SRBD1: variants seen among roughly 807,000 people sequenced by gnomAD.
The protein encoded by SRBD1 is S1 RNA-binding domain-containing protein 1.
A neutral mutation model predicts 115.3 loss-of-function variants in SRBD1; 88 were observed. The observed-to-expected ratio is 0.76, with a 90% CI of 0.64 to 0.91. SRBD1 has a LOEUF of 0.91. Ranked by LOEUF, SRBD1 falls within the 40% of genes least tolerant of loss-of-function variation. The pLI is 0.00. For synonymous variants in SRBD1, 509 were observed against 407.7 expected, an observed-to-expected ratio of 1.25 and a Z score of -2.99; for missense variants, 1,385 against 1,177.4, an observed-to-expected ratio of 1.18 and a Z score of -2.58.
intron 16 of SRBD1, among the ~76,000 whole-genome samples, chr2:45,475,595 A>T (rs568941658): frequency 6.6e-6 from 1 of 152,274 alleles, no homozygotes; most frequent in East Asian, 1.9e-4. Context: ...ATAAATTTGG[A>T]ATCTTCTCTT....
At chr2:45,560,988 T>G (rs1432081058) in intron 10 of SRBD1, among the ~76,000 whole-genome samples, 1 of 150,650 alleles carries the variant, frequency 6.6e-6, no homozygotes, top group South Asian at 2.1e-4. Context: ...GCACCTATGG[T>G]CCCAGCTACA....
chr2:45,476,630 A>T (rs1669811284), intron 16 of SRBD1, among the ~76,000 whole-genome samples: 1 of 152,212 alleles, frequency 6.6e-6, no homozygotes, highest in African/African-American at 2.4e-5. Flanking sequence ...ATCTACTGTG[A>T]AGATCAAGTT....
chr2:45,609,851 G>T (rs983830447), intron 1 of SRBD1, among the ~76,000 whole-genome samples: 1 of 152,274 alleles, frequency 6.6e-6, no homozygotes, highest in Admixed American at 6.5e-5. Context: ...TTTATTGCTT[G>T]CACTGCTGTC....
At chr2:45,496,687 C>T (rs906055241) in intron 14 of SRBD1, among the ~76,000 whole-genome samples, 4 of 152,112 alleles carry the variant, frequency 2.6e-5, no homozygotes, top group African/African-American at 9.7e-5. Context: ...ATTCCTCACT[C>T]CTCCCTCTCT....
At chr2:45,493,677 G>T (rs1670367239) in intron 14 of SRBD1, among the ~76,000 whole-genome samples, 1 of 152,000 alleles carries the variant, frequency 6.6e-6, no homozygotes, top group Non-Finnish European at 1.5e-5. Flanking sequence ...AGCCAAGCGT[G>T]GTGGTACATG....
At chr2:45,412,928 G>A (rs769085473) in intron 19 of SRBD1, among the ~76,000 whole-genome samples, 186 bp downstream of exon 19, 1 of 152,116 alleles carries the variant, frequency 6.6e-6, no homozygotes, top group East Asian at 1.9e-4. Flanking sequence ...TGCTCCAGGA[G>A]TAATGGTTTC....
In SRBD1 at chr2:45,418,432, G is replaced by T; in HGVS notation, c.2266C>A (p.Pro756Thr). 6.2e-7 allele frequency: 1 copy of T among 1,613,736 alleles called. No homozygotes were observed. The highest frequency in any genetic ancestry group is 1.1e-5 in the South Asian group (1 of 91,046). The change falls in exon 18 of 21, where the codon CCA becomes ACA. Residue 756 changes from proline to threonine, a missense_variant. By Grantham distance (38) the Pro-to-Thr change is conservative. Coordinates refer to ENST00000263736, the MANE Select transcript of SRBD1 (RefSeq NM_018079.5). Reference protein sequence around the residue: ...EQLKKVKGLGPKSFQQCAGFI... With the variant: ...EQLKKVKGLGTKSFQQCAGFI... ...CCAGCACACTGTTGGAAGGATTTTG[G>T]GCCCAGCCCTTTCACTTTCTTCAGC... is the stretch of plus-strand genomic sequence containing the variant.
chr2:45,557,897 T>C (rs1672533266), intron 10 of SRBD1, among the ~76,000 whole-genome samples: 1 of 152,170 alleles, frequency 6.6e-6, no homozygotes, highest in South Asian at 2.1e-4. Context: ...GCAAAACACA[T>C]GCTATGTATG....
intron 16 of SRBD1, among the ~76,000 whole-genome samples, chr2:45,431,224 T>A (rs894615778): frequency 2.6e-5 from 4 of 152,158 alleles, no homozygotes; most frequent in African/African-American, 9.7e-5. Flanking sequence ...AGTTCAACCA[T>A]TGTGGAAGAC....
intron 14 of SRBD1, among the ~76,000 whole-genome samples, chr2:45,489,491 T>C (rs1670227728): frequency 6.6e-6 from 1 of 152,170 alleles, no homozygotes; most frequent in Non-Finnish European, 1.5e-5. Context: ...AGAAGATTAT[T>C]CTGGGGAATG....
chr2:45,413,865 GC>G (rs1667678933), intron 18 of SRBD1, among the ~76,000 whole-genome samples: 2 of 152,068 alleles, frequency 1.3e-5, no homozygotes, highest in Non-Finnish European at 2.9e-5. Context: ...CTGGCAGGCG[GC>G]GGTTGCAGTG....
chr2:45,491,581 C>T (rs1355133919), intron 14 of SRBD1, among the ~76,000 whole-genome samples: 1 of 152,140 alleles, frequency 6.6e-6, no homozygotes, highest in Non-Finnish European at 1.5e-5. Flanking sequence ...TAAGAAAGTA[C>T]ACTTCAGAAG....
intron 14 of SRBD1, among the ~76,000 whole-genome samples, chr2:45,505,108 C>T (rs1472188154): frequency 6.6e-6 from 1 of 152,116 alleles, no homozygotes; most frequent in African/African-American, 2.4e-5. Context: ...ATGAACTGTA[C>T]CACTTCAGCA....
At chr2:45,593,437 G>A (rs1673787104) in intron 4 of SRBD1, among the ~76,000 whole-genome samples, 1 of 152,100 alleles carries the variant, frequency 6.6e-6, no homozygotes, top group Non-Finnish European at 1.5e-5. Flanking sequence ...CCCCTATGCT[G>A]GTCTCAGGAT....
chr2:45,449,373 C>A (rs1289081414), intron 16 of SRBD1, among the ~76,000 whole-genome samples: 1 of 152,042 alleles, frequency 6.6e-6, no homozygotes, highest in African/African-American at 2.4e-5. Context: ...CACGGATATT[C>A]CTAATAAATG....
At position 45,530,035 on chromosome 2, in the gene SRBD1, C is replaced by T. The variant is rs187817134; in HGVS notation, c.1874+16697G>A. 5.3e-5 allele frequency among the ~76,000 whole-genome samples: 8 copies of T among 152,048 alleles called. No individual in the cohort carries two copies. In the East Asian group the frequency reaches 1.4e-3, roughly 26 times the overall value. On this transcript the variant is annotated intron_variant, in intron 14 of 20. Coordinates refer to ENST00000263736, the MANE Select transcript of SRBD1 (RefSeq NM_018079.5). ...AGCATGGTTTAAACAATGGAACTAT[C>T]TAAATTCAAACCAGGAATTAGAAGA... is the stretch of plus-strand genomic sequence containing the variant.
chr2:45,505,492 GC>G (rs1258584190), intron 14 of SRBD1, among the ~76,000 whole-genome samples: 1 of 152,128 alleles, frequency 6.6e-6, no homozygotes, highest in Non-Finnish European at 1.5e-5. Flanking sequence ...GAGCACAATG[GC>G]ACCTGTCCGT....
At chr2:45,402,184 A>G (rs1667309699) in intron 19 of SRBD1, among the ~76,000 whole-genome samples, 1 of 152,138 alleles carries the variant, frequency 6.6e-6, no homozygotes, top group South Asian at 2.1e-4. Flanking sequence ...GAATCTTTAT[A>G]TTCATTTATC....
At chr2:45,533,919 ATT>A (rs957201493) in intron 14 of SRBD1, among the ~76,000 whole-genome samples, 2 of 152,052 alleles carry the variant, frequency 1.3e-5, no homozygotes, top group African/African-American at 4.8e-5. Context: ...ACAAAAGCAG[ATT>A]TGTAACCAAA....
Sources: allele counts gnomAD v4.1 joint callset (sites outside exome capture counted in the v4.1 genomes callset), GRCh38; gene constraint gnomAD v4.1.1; transcripts MANE v1.5; gene names NCBI Gene and HGNC (gene_info 2026-07-23, HGNC 2026-07-21).